GRK5: variants seen among roughly 807,000 people sequenced by gnomAD.
The protein encoded by GRK5 is g protein-coupled receptor kinase GRK5.
A neutral mutation model predicts 78.4 loss-of-function variants in GRK5; 40 were observed. That is an observed-to-expected ratio of 0.51 (90% CI 0.40 to 0.66). GRK5 has a LOEUF of 0.66. Ranked by LOEUF, GRK5 falls within the 30% of genes least tolerant of loss-of-function variation. GRK5 has a pLI of 0.00. For synonymous variants in GRK5, 289 were observed against 296.8 expected (o/e 0.97, Z 0.27); for missense variants, 598 against 759.9 (o/e 0.79, Z 2.50).
rs10578557 is a variant in GRK5 at position 119,411,842 on chromosome 10, C to CTTTTTTTTT, written c.340-11306_340-11298dup. Among the ~76,000 whole-genome samples, 76 of 95,986 alleles carry CTTTTTTTTT rather than the reference C, an allele frequency of 7.9e-4. 12 individuals carry two copies. Among genetic ancestry groups the CTTTTTTTTT allele is most frequent in the Admixed American group, 1.4e-3 (10 of 7,188 alleles). The allele number at this position is 95,986 out of a possible 152,430, so 63.0% of individuals were successfully genotyped here. On this transcript the variant is annotated intron_variant, in intron 4 of 15. Coordinates refer to ENST00000392870, the MANE Select transcript of GRK5 (RefSeq NM_005308.3). ...CCTCAGCTTCATTGCAGATCTGCTT[C>CTTTTTTTTT]TTTTTTTTTTTTTTTTTTTTTTTTT... is the stretch of plus-strand genomic sequence containing the variant.
intron 3 of GRK5, among the ~76,000 whole-genome samples, chr10:119,384,009 T>A (rs1335999922): frequency 1.3e-5 from 2 of 152,188 alleles, no homozygotes; most frequent in Admixed American, 6.5e-5. Context: ...GTTCCGAGGC[T>A]GACTTACCAG....
At chr10:119,259,455 C>T (rs1328556856) in intron 1 of GRK5, among the ~76,000 whole-genome samples, 1 of 152,168 alleles carries the variant, frequency 6.6e-6, no homozygotes, top group Non-Finnish European at 1.5e-5. Context: ...TCATATGTTC[C>T]CACTACCAGC....
intron 1 of GRK5, among the ~76,000 whole-genome samples, chr10:119,234,983 TA>T (rs1296493671): frequency 1.8e-4 from 27 of 150,806 alleles, no homozygotes; most frequent in African/African-American, 6.6e-4. Context: ...CCTAATTAAT[TA>T]ATTTTTTTGA....
chr10:119,259,794 A>G (rs1849343331), intron 1 of GRK5, among the ~76,000 whole-genome samples: 2 of 152,218 alleles, frequency 1.3e-5, no homozygotes, highest in Non-Finnish European at 2.9e-5. Context: ...TTTAATTTTA[A>G]TAAATTAAGA....
chr10:119,285,604 G>A (rs1849834329), intron 1 of GRK5, among the ~76,000 whole-genome samples: 1 of 152,220 alleles, frequency 6.6e-6, no homozygotes, highest in East Asian at 1.9e-4. Flanking sequence ...GATGGTTGCT[G>A]TGTGAACCAT....
chr10:119,318,959 C>T (rs186659549), intron 1 of GRK5, among the ~76,000 whole-genome samples: 144 of 152,236 alleles, frequency 9.5e-4, no homozygotes, highest in African/African-American at 3.2e-3. Context: ...GCAAAAGAAA[C>T]GCTTTAGTCT....
At chr10:119,340,104 GT>G (rs1364002298) in intron 2 of GRK5, among the ~76,000 whole-genome samples, 3 of 150,916 alleles carry the variant, frequency 2.0e-5, no homozygotes, top group Non-Finnish European at 2.9e-5. Context: ...TTAAAGTGTG[GT>G]TTTTTTGTTT....
At chr10:119,453,782 G>A (rs1889428) in intron 15 of GRK5, among the ~76,000 whole-genome samples, 13,659 of 152,246 alleles carry the variant, frequency 0.09, 908 homozygotes, top group East Asian at 0.31. Flanking sequence ...AGAACTGGGG[G>A]TAGAAGCTGA....
rs1283071818 is a variant in GRK5 at position 119,348,144 on chromosome 10, AG to A, written c.148+21537del. Among the ~76,000 whole-genome samples the A allele has an allele frequency of 1.1e-4, 17 of 152,336 alleles. No individual in the cohort carries two copies. The Middle Eastern group carries it at 0.01, about 92-fold the overall frequency. ...TGTGTGTTGGCTTAATGAGGAGTCC[AG>A]GGGCCTGGCTTTGAGTTTCTTTCTA... is the stretch of plus-strand genomic sequence containing the variant. On this transcript the variant is annotated intron_variant, in intron 2 of 15. Coordinates refer to ENST00000392870, the MANE Select transcript of GRK5 (RefSeq NM_005308.3).
rs987255397 is a variant in GRK5 at position 119,459,005 on chromosome 10, G to A, written c.*3938G>A. The stretch of plus-strand genomic sequence containing the variant: ...CTGGGGTCCCCTGGTGTGCATGCAC[G>A]TCCTCCTGAATACCTGTACTTCCAA... On this transcript the variant is annotated 3_prime_UTR_variant, in exon 16 of 16. Coordinates refer to ENST00000392870, the MANE Select transcript of GRK5 (RefSeq NM_005308.3). 4.6e-5 allele frequency: 7 copies of A among 152,196 alleles called. No homozygotes were observed. The highest frequency in any genetic ancestry group is 7.2e-5 in the African/African-American group (3 of 41,448). The allele number at this position is 152,196 out of a possible 1,614,324, so 9.4% of individuals were successfully genotyped here. A position where few individuals can be genotyped will look rare whatever the true frequency, so the allele number is the denominator to read the frequency against.
chr10:119,439,258 G>A (rs1039673128), intron 9 of GRK5, among the ~76,000 whole-genome samples: 18 of 152,212 alleles, frequency 1.2e-4, no homozygotes, highest in Middle Eastern at 3.2e-3. Context: ...CTGGTGTTGG[G>A]GGATATGCCA....
At chr10:119,399,503 C>G (rs1002472175) in intron 4 of GRK5, among the ~76,000 whole-genome samples, 3 of 152,194 alleles carry the variant, frequency 2.0e-5, no homozygotes, top group African/African-American at 7.2e-5. Flanking sequence ...CAGTATGTAG[C>G]TTGTGTGTCT....
rs1419413490 is a variant in GRK5, at chr10:119,292,076, C to G, written c.53-34440C>G. ...TCCTCCTCCTCTTCCTCCTTCTCCT[C>G]CTCTTCCTCCTCCTTCTCCTCTTCC... is the stretch of plus-strand genomic sequence containing the variant. On this transcript the variant is annotated intron_variant, in intron 1 of 15. Transcript: ENST00000392870. Among the ~76,000 whole-genome samples, 3 of 134,286 alleles carry G rather than the reference C, an allele frequency of 2.2e-5. 1 individual carries two copies. The highest frequency in any genetic ancestry group is 4.8e-5 in the Non-Finnish European group (3 of 62,616). The allele number at this position is 134,286 out of a possible 152,430, so 88.1% of individuals were successfully genotyped here. A position where few individuals can be genotyped will look rare whatever the true frequency, so the allele number is the denominator to read the frequency against.
chr10:119,430,797 C>G lies in GRK5; in HGVS notation c.597+359C>G, dbSNP rs1439220137. Among the ~76,000 whole-genome samples, 5 of 152,146 alleles carry G rather than the reference C, an allele frequency of 3.3e-5. No individual in the cohort carries two copies. The highest frequency in any genetic ancestry group is 4.4e-5 in the Non-Finnish European group (3 of 68,012). On this transcript the variant is annotated intron_variant, in intron 7 of 15. Transcript: ENST00000392870. This position sits in a 1 kb window ranked among gnomAD's most constrained non-coding sequence, Gnocchi z 4.5. ...CCACTCAGTGCCTGGATGACGCTGTCATGCAAGATTCGAGATTTCGTTGTA... is the reference window on the plus strand; with the variant it reads ...CCACTCAGTGCCTGGATGACGCTGTGATGCAAGATTCGAGATTTCGTTGTA...
intron 1 of GRK5, among the ~76,000 whole-genome samples, chr10:119,281,444 CGAGCACCCA>C (rs1444916685): frequency 3.3e-5 from 5 of 152,200 alleles, no homozygotes; most frequent in Non-Finnish European, 7.3e-5. Context: ...CATTAGGTGT[CGAGCACCCA>C]GAAGTGGTGA....
At chr10:119,423,828 C>T (rs1402801137) in intron 5 of GRK5, among the ~76,000 whole-genome samples, 1 of 152,134 alleles carries the variant, frequency 6.6e-6, no homozygotes, top group Non-Finnish European at 1.5e-5. Context: ...TACACACACA[C>T]AGGCTCATGA....
At chr10:119,325,175 C>T (rs766709242) in intron 1 of GRK5, among the ~76,000 whole-genome samples, 1 of 152,202 alleles carries the variant, frequency 6.6e-6, no homozygotes, top group Non-Finnish European at 1.5e-5. Flanking sequence ...GTTAAGAATC[C>T]CCAGTTCTGT....
Position 119,430,302 on chromosome 10 carries a change from A to C in GRK5, c.534-73A>C. 7.4e-7 allele frequency: 1 copy of C among 1,343,058 alleles called. No individual in the cohort carries two copies. Among genetic ancestry groups the C allele is most frequent in the South Asian group, 1.2e-5 (1 of 84,744 alleles). The allele number at this position is 1,343,058 out of a possible 1,614,324, so 83.2% of individuals were successfully genotyped here. A position where few individuals can be genotyped will look rare whatever the true frequency, so the allele number is the denominator to read the frequency against. ...ATTATACCCCACCCCAGCTGCTCTC[A>C]ATGTGCCACTGTTTCCTGTGGATTC... On this transcript the variant is annotated intron_variant, in intron 6 of 15. Transcript: ENST00000392870. The surrounding 1 kb of genome is among the most constrained non-coding windows in gnomAD (Gnocchi z 4.5).
At chr10:119,376,133 A>C (rs911934499) in intron 2 of GRK5, among the ~76,000 whole-genome samples, 2 of 152,152 alleles carry the variant, frequency 1.3e-5, no homozygotes, top group African/African-American at 2.4e-5. Flanking sequence ...CTGTGTGCAT[A>C]AGTAGGCCTA....
Sources: gnomAD v4.1 joint callset for allele counts (sites outside exome capture counted in the v4.1 genomes callset) on GRCh38, gnomAD v4.1.1 for gene constraint, Gnocchi (gnomAD v3.1) non-coding constraint, MANE v1.5 for transcripts, NCBI Gene and HGNC (gene_info 2026-07-23, HGNC 2026-07-21) for gene names.